Variants in BMAL1 observed in about 807,000 individuals in gnomAD.
BMAL1 encodes basic helix-loop-helix ARNT-like protein 1.
the BMAL1 span, among the ~76,000 whole-genome samples, chr11:13,331,031 A>G: frequency 1.3e-5 from 2 of 152,178 alleles, no homozygotes; most frequent in African/African-American, 4.8e-5. Context: ...TGACTTGCCT[A>G]GGGTCCCATT....
At chr11:13,334,015 G>A in the BMAL1 span, among the ~76,000 whole-genome samples, 1 of 152,214 alleles carries the variant, frequency 6.6e-6, no homozygotes, top group African/African-American at 2.4e-5. Context: ...TGTATCCAGA[G>A]AGTGCTTGCC....
At chr11:13,362,361 A>G in the BMAL1 span, among the ~76,000 whole-genome samples, 2 of 151,902 alleles carry the variant, frequency 1.3e-5, no homozygotes, top group Non-Finnish European at 2.9e-5. Flanking sequence ...TTTGAACTTA[A>G]GATAGGACTT....
the BMAL1 span, among the ~76,000 whole-genome samples, chr11:13,301,514 A>G: frequency 2.0e-5 from 3 of 152,138 alleles, no homozygotes; most frequent in Non-Finnish European, 2.9e-5. Flanking sequence ...GAGGAGTTCT[A>G]CCTCACTGCT....
chr11:13,376,584 G>C, the BMAL1 span: 1 of 1,566,736 alleles, frequency 6.4e-7, no homozygotes, highest in Non-Finnish European at 8.8e-7. Flanking sequence ...AAGTTGAATG[G>C]TGCACAGTTC....
chr11:13,329,954 G>C, the BMAL1 span, among the ~76,000 whole-genome samples: 1 of 152,158 alleles, frequency 6.6e-6, no homozygotes, highest in African/African-American at 2.4e-5. Context: ...TAAAGATGCT[G>C]TTGTGAGTGC....
the BMAL1 span, among the ~76,000 whole-genome samples, chr11:13,367,142 C>T: frequency 6.6e-6 from 1 of 152,054 alleles, no homozygotes; most frequent in African/African-American, 2.4e-5. Flanking sequence ...CAAATGGGCT[C>T]TATTTACCTG....
chr11:13,343,712 G>A, the BMAL1 span, among the ~76,000 whole-genome samples: 12 of 152,098 alleles, frequency 7.9e-5, no homozygotes, highest in Non-Finnish European at 1.6e-4. Context: ...CATGCCCTGG[G>A]GGAACTAGCA....
At chr11:13,381,742 A>G in the BMAL1 span, among the ~76,000 whole-genome samples, 1 of 152,362 alleles carries the variant, frequency 6.6e-6, no homozygotes, top group East Asian at 1.9e-4. Flanking sequence ...GTGTGACAGC[A>G]TTGGATCCAA....
chr11:13,281,749 A>T, the BMAL1 span, among the ~76,000 whole-genome samples: 1 of 152,226 alleles, frequency 6.6e-6, no homozygotes, highest in East Asian at 1.9e-4. Context: ...GGCTCAAGTG[A>T]CCCACCTGCA....
At chr11:13,282,952 A>G in the BMAL1 span, among the ~76,000 whole-genome samples, 1 of 152,184 alleles carries the variant, frequency 6.6e-6, no homozygotes, top group Non-Finnish European at 1.5e-5. Flanking sequence ...TGGGGGTGCA[A>G]CAGGGCCATA....
the BMAL1 span, among the ~76,000 whole-genome samples, chr11:13,322,140 T>C: frequency 2.8e-3 from 424 of 152,294 alleles, 3 homozygotes; most frequent in African/African-American, 9.0e-3. Flanking sequence ...TGATGCTTGT[T>C]CTTGTCTACG....
the BMAL1 span, among the ~76,000 whole-genome samples, chr11:13,302,157 G>T: frequency 2.0e-5 from 3 of 152,308 alleles, no homozygotes; most frequent in African/African-American, 4.8e-5. Flanking sequence ...GCCACAGGAA[G>T]ACAGAGCTTT....
At chr11:13,331,725 G>C in the BMAL1 span, among the ~76,000 whole-genome samples, 2 of 152,204 alleles carry the variant, frequency 1.3e-5, no homozygotes, top group Non-Finnish European at 2.9e-5. Context: ...CAGTGGACTG[G>C]TGCCAGCCTG....
At chr11:13,278,584 G>A in the BMAL1 span, among the ~76,000 whole-genome samples, 3 of 152,234 alleles carry the variant, frequency 2.0e-5, no homozygotes, top group East Asian at 3.9e-4. Context: ...CGCTGCACCC[G>A]GGAATCCCCG....
At chr11:13,353,734 G>A in the BMAL1 span, among the ~76,000 whole-genome samples, 1 of 152,152 alleles carries the variant, frequency 6.6e-6, no homozygotes, top group Non-Finnish European at 1.5e-5. Flanking sequence ...GCTGAGGCAC[G>A]AGAGTCACTT....
the BMAL1 span, among the ~76,000 whole-genome samples, chr11:13,302,856 G>T: frequency 6.6e-6 from 1 of 152,254 alleles, no homozygotes; most frequent in African/African-American, 2.4e-5. Context: ...CACTACCTAT[G>T]TGTTTGTCTT....
the BMAL1 span, among the ~76,000 whole-genome samples, chr11:13,289,794 TG>T: frequency 1.3e-5 from 2 of 152,246 alleles, no homozygotes; most frequent in Non-Finnish European, 2.9e-5. Flanking sequence ...GATGGACATT[TG>T]GGTTGGTTCC....
chr11:13,348,358 G>C, the BMAL1 span, among the ~76,000 whole-genome samples: 1 of 152,180 alleles, frequency 6.6e-6, no homozygotes, highest in Non-Finnish European at 1.5e-5. Context: ...AAGACTTAGG[G>C]GGAACAGTGA....
At chr11:13,291,169 C>G in the BMAL1 span, among the ~76,000 whole-genome samples, 9 of 152,198 alleles carry the variant, frequency 5.9e-5, no homozygotes, top group African/African-American at 2.2e-4. Flanking sequence ...ATCAAAGTCA[C>G]CCTGTAAAAA....
Sources: gnomAD v4.1 joint callset for allele counts (sites outside exome capture counted in the v4.1 genomes callset) on GRCh38, gnomAD v4.1.1 for gene constraint, MANE v1.5 for transcripts, NCBI Gene and HGNC (gene_info 2026-07-23, HGNC 2026-07-21) for gene names.